C17orf99: variants seen among roughly 807,000 people sequenced by gnomAD.
C17orf99 encodes the protein protein IL-40.
In C17orf99, 18 loss-of-function variants were observed where a neutral mutation model predicts 22.6. The ratio of observed to expected loss-of-function variants is 0.80; its 90% confidence interval spans 0.55 to 1.18. The LOEUF (loss-of-function observed/expected upper bound fraction) is 1.18, where lower values mean the gene tolerates loss of function less well. C17orf99 is among the 50% of genes most tolerant of loss of function. C17orf99 has a pLI of 0.00. For missense variants in C17orf99, 328 were observed against 342.7 expected, an observed-to-expected ratio of 0.96 and a Z score of 0.34; for synonymous variants, 147 against 136.6, an observed-to-expected ratio of 1.08 and a Z score of -0.53.
intron 2 of C17orf99, among the ~76,000 whole-genome samples, chr17:78,149,994 C>A (rs1051570916): frequency 4.6e-5 from 7 of 151,550 alleles, no homozygotes; most frequent in Non-Finnish European, 7.4e-5. Context: ...CAGGCGAGAG[C>A]CACCACGCCC....
At chr17:78,161,629 A>AG (rs1044719712) in intron 3 of C17orf99, among the ~76,000 whole-genome samples, 2 of 152,096 alleles carry the variant, frequency 1.3e-5, no homozygotes, top group Admixed American at 1.3e-4. Context: ...TGATCGCTTG[A>AG]GCCCAGGAGT....
intron 2 of C17orf99, among the ~76,000 whole-genome samples, chr17:78,147,710 G>A (rs1265274421): frequency 1.3e-5 from 2 of 152,164 alleles, no homozygotes; most frequent in African/African-American, 2.4e-5. Flanking sequence ...TTTGCTAAAG[G>A]GCAGGTACAG....
intron 2 of C17orf99, among the ~76,000 whole-genome samples, chr17:78,159,872 C>T (rs1365960360): frequency 6.6e-6 from 1 of 152,152 alleles, no homozygotes; most frequent in East Asian, 1.9e-4. Context: ...TGTTACGGCT[C>T]ATCCCTGTTG....
rs2075615100 is a variant in C17orf99 at position 78,166,043 on chromosome 17, G to A, written c.795G>A (p.Met265Ile). The change falls in exon 5 of 5, where the codon ATG (methionine) becomes ATA (isoleucine). Residue 265 changes from methionine to isoleucine, a missense_variant. Transcript: ENST00000340363. Reference protein sequence around the residue: ...GEVRGRKAAAM With the variant: ...GEVRGRKAAAI ...TCAGAGGACGCAAAGCAGCAGCCAT[G>A]TAGAATGAACCGTCCAGAGAGCCAA... 2 of 1,326,432 alleles carry A rather than the reference G, an allele frequency of 1.5e-6. No homozygotes were observed. Among genetic ancestry groups the A allele is most frequent in the Non-Finnish European group, 2.0e-6 (2 of 997,640 alleles). The allele number at this position is 1,326,432 out of a possible 1,614,324, so 82.2% of individuals were successfully genotyped here.
intron 2 of C17orf99, among the ~76,000 whole-genome samples, chr17:78,156,178 A>G (rs1365627489): frequency 2.0e-5 from 3 of 151,210 alleles, no homozygotes; most frequent in Non-Finnish European, 4.4e-5. Flanking sequence ...AAAAATACAA[A>G]AATTAGCTGG....
chr17:78,149,623 G>A (rs893247381), intron 2 of C17orf99, among the ~76,000 whole-genome samples: 1 of 151,980 alleles, frequency 6.6e-6, no homozygotes, highest in African/African-American at 2.4e-5. Context: ...AGCCTTAACC[G>A]CCAGGGCTTA....
Position 78,158,070 on chromosome 17 carries a change from G to A in C17orf99, c.71-2885G>A, listed in dbSNP as rs1598948327. On this transcript the variant is annotated intron_variant, in intron 2 of 4. Transcript: ENST00000340363. ...CTGCTCCAGGACAGCATGGAGGTGC[G>A]AGAGGACTTTCGTCTGCATGAGGGA... 1.6e-5 allele frequency: 19 copies of A among 1,194,722 alleles called. No individual in the cohort carries two copies. In the East Asian group the frequency reaches 2.7e-4, roughly 17 times the overall value. The allele number at this position is 1,194,722 out of a possible 1,614,324, so 74.0% of individuals were successfully genotyped here.
intron 2 of C17orf99, chr17:78,158,437 G>GCCCTT: frequency 9.6e-6 from 2 of 208,218 alleles, no homozygotes; most frequent in South Asian, 6.8e-5. Flanking sequence ...TGGGACTACG[G>GCCCTT]GCACCCACTG....
chr17:78,145,800 T>C (rs2075433500), upstream of C17orf99, among the ~76,000 whole-genome samples: 2 of 149,686 alleles, frequency 1.3e-5, no homozygotes, highest in Non-Finnish European at 3.0e-5. Context: ...ATCTTTTTTT[T>C]TTTTTTTTTT....
Position 78,164,293 on chromosome 17 carries a change from C to T in C17orf99, c.569C>T (p.Ser190Leu), listed in dbSNP as rs1006199258. 6.4e-6 allele frequency: 10 copies of T among 1,551,478 alleles called. No individual in the cohort carries two copies. Among genetic ancestry groups the T allele is most frequent in the Admixed American group, 2.0e-5 (1 of 50,994 alleles). Residue 190 changes from serine (S) to leucine (L), a missense_variant, in exon 4 of 5, where the codon TCG becomes TTG. Coordinates refer to ENST00000340363, the MANE Select transcript of C17orf99 (RefSeq NM_001163075.2). ...ANFSFLPSQT[S>L]DWFWCQAANN... is the part of the protein sequence containing the mutation. The stretch of plus-strand genomic sequence containing the variant: ...TTCTCCTTCCTGCCGAGCCAGACAT[C>T]GGACTGGTTCTGGTGCCAGGCTGCA...
intron 2 of C17orf99, chr17:78,160,097 G>C (rs1423475791): frequency 4.4e-6 from 2 of 456,096 alleles, no homozygotes; most frequent in Admixed American, 2.4e-5. Flanking sequence ...TGGAATTGTT[G>C]AGTCATATGG....
intron 2 of C17orf99, among the ~76,000 whole-genome samples, chr17:78,157,186 C>T (rs372759586): frequency 6.6e-6 from 1 of 151,916 alleles, no homozygotes. Flanking sequence ...AAAACTTAGG[C>T]CGGGCACGGT....
intron 2 of C17orf99, chr17:78,157,915 C>G (rs766586141): frequency 1.7e-6 from 2 of 1,169,198 alleles, no homozygotes; most frequent in Non-Finnish European, 2.5e-6. Context: ...CCAAGGTCCA[C>G]CTGGTTGGTA....
chr17:78,159,316 G>C (rs372290577), intron 2 of C17orf99, among the ~76,000 whole-genome samples: 1 of 151,948 alleles, frequency 6.6e-6, no homozygotes, highest in Non-Finnish European at 1.5e-5. Flanking sequence ...CATTCTGGAC[G>C]ACAGAGCAAG....
At chr17:78,153,661 AAAAG>A (rs962276446) in intron 2 of C17orf99, among the ~76,000 whole-genome samples, 4 of 152,172 alleles carry the variant, frequency 2.6e-5, no homozygotes, top group East Asian at 1.9e-4. Flanking sequence ...AAAGGGAACA[AAAAG>A]AAAGGGTGAT....
intron 4 of C17orf99, 55 bp downstream of exon 4, chr17:78,164,419 G>A: frequency 1.3e-6 from 2 of 1,550,826 alleles, no homozygotes; most frequent in Non-Finnish European, 1.7e-6. Flanking sequence ...TGCCGGGAGG[G>A]TGCTAGTGTC....
intron 2 of C17orf99, among the ~76,000 whole-genome samples, chr17:78,156,978 T>C (rs953942425): frequency 6.7e-6 from 1 of 148,256 alleles, no homozygotes. Context: ...GGTAGCCCTT[T>C]TTCTAATATT....
chr17:78,162,824 C>T (rs1046389343), intron 3 of C17orf99, among the ~76,000 whole-genome samples: 3 of 152,150 alleles, frequency 2.0e-5, no homozygotes, highest in Admixed American at 2.0e-4. Context: ...CTTGCTCTGT[C>T]GCCCAGGCTG....
At chr17:78,157,532 C>T (rs35976431) in intron 2 of C17orf99, 122,532 of 994,194 alleles carry the variant, frequency 0.12, 8,588 homozygotes, top group Admixed American at 0.22. Context: ...GGCGCGGTGG[C>T]TCACGCCCGT....
Sources: gnomAD v4.1 joint callset for allele counts (sites outside exome capture counted in the v4.1 genomes callset) on GRCh38, gnomAD v4.1.1 for gene constraint, MANE v1.5 for transcripts, NCBI Gene and HGNC (gene_info 2026-07-23, HGNC 2026-07-21) for gene names.